Variants in AKAP12 observed in about 807,000 individuals in gnomAD.
AKAP12 encodes the protein A-kinase anchoring protein 12.
AKAP12 carries 32 observed loss-of-function variants against 79.9 expected under a neutral mutation model. The observed-to-expected ratio is 0.40, with a 90% CI of 0.30 to 0.54. The LOEUF (loss-of-function observed/expected upper bound fraction) is 0.54, where lower values mean the gene tolerates loss of function less well. Among genes scored for constraint, AKAP12 ranks in the 20% least tolerant of loss-of-function variants. AKAP12 has a pLI of 0.48. For synonymous variants in AKAP12, 808 were observed against 857.0 expected (o/e 0.94, Z 1.00); for missense variants, 2,074 against 2,177.0 (o/e 0.95, Z 0.94).
intron 3 of AKAP12, among the ~76,000 whole-genome samples, chr6:151,310,937 G>A (rs1777084810): frequency 6.6e-6 from 1 of 152,106 alleles, no homozygotes; most frequent in Non-Finnish European, 1.5e-5. Flanking sequence ...GTTTCTGTGA[G>A]CAAACAGACA....
At chr6:151,277,969 TGTG>T (rs1201735400) in intron 2 of AKAP12, among the ~76,000 whole-genome samples, 6 of 85,058 alleles carry the variant, frequency 7.1e-5, no homozygotes, top group African/African-American at 2.0e-4. Context: ...TGTGTGTGTG[TGTG>T]TCTGTCTGTT....
intron 2 of AKAP12, 122 bp from the exon 3 acceptor site, chr6:151,305,625 T>C: frequency 9.9e-7 from 1 of 1,005,668 alleles, no homozygotes; most frequent in African/African-American, 1.6e-5. Context: ...CTTCATTGTT[T>C]TTGAACTTCC....
intron 2 of AKAP12, among the ~76,000 whole-genome samples, chr6:151,260,690 TAC>T (rs2114697874): frequency 6.6e-6 from 1 of 152,312 alleles, no homozygotes; most frequent in Admixed American, 6.5e-5. Context: ...CGAGAATTGA[TAC>T]TGCACATTTT....
At chr6:151,278,705 T>C (rs1776334854) in intron 2 of AKAP12, among the ~76,000 whole-genome samples, 1 of 151,900 alleles carries the variant, frequency 6.6e-6, no homozygotes. Flanking sequence ...TCTCGCTCTG[T>C]CACCCAGGCT....
chr6:151,345,491 A>G (rs1278714858), intron 3 of AKAP12, among the ~76,000 whole-genome samples: 1 of 151,846 alleles, frequency 6.6e-6, no homozygotes, highest in Non-Finnish European at 1.5e-5. Context: ...AAATCGATAT[A>G]TGTCCTATAT....
intron 2 of AKAP12, among the ~76,000 whole-genome samples, chr6:151,304,696 C>A (rs1327267593): frequency 6.6e-6 from 1 of 151,666 alleles, no homozygotes; most frequent in Non-Finnish European, 1.5e-5. Flanking sequence ...CCTTCTGCAG[C>A]CTCCCAGGTA....
At chr6:151,324,369 GC>G in intron 3 of AKAP12, 1 of 985,406 alleles carries the variant, frequency 1.0e-6, no homozygotes, top group Non-Finnish European at 1.2e-6. Flanking sequence ...CAGCAAGGAA[GC>G]GGTTTTCACG....
intron 2 of AKAP12, among the ~76,000 whole-genome samples, chr6:151,288,873 A>C (rs1332683262): frequency 2.0e-5 from 3 of 152,200 alleles, no homozygotes; most frequent in Non-Finnish European, 4.4e-5. Flanking sequence ...TAAGGGATTA[A>C]TGGCATCGCT....
At chr6:151,332,006 C>T (rs1777684269) in intron 3 of AKAP12, among the ~76,000 whole-genome samples, 2 of 148,102 alleles carry the variant, frequency 1.4e-5, no homozygotes, top group African/African-American at 5.0e-5. Context: ...TGGGACCCTA[C>T]TGAGTAGCAC....
intron 3 of AKAP12, chr6:151,323,931 C>A: frequency 1.0e-6 from 1 of 985,380 alleles, no homozygotes; most frequent in Non-Finnish European, 1.2e-6. Context: ...GCTCCTGGGA[C>A]ATCTCTGGGG....
At chr6:151,266,806 A>G (rs1776041517) in intron 2 of AKAP12, among the ~76,000 whole-genome samples, 1 of 152,158 alleles carries the variant, frequency 6.6e-6, no homozygotes, top group Admixed American at 6.6e-5. Flanking sequence ...ACTAGGAGAA[A>G]TGTTTATGGC....
intron 2 of AKAP12, among the ~76,000 whole-genome samples, chr6:151,247,230 A>G (rs549514015): frequency 1.3e-5 from 2 of 152,168 alleles, no homozygotes; most frequent in East Asian, 3.9e-4. Context: ...GCAAGACCCC[A>G]TCTCTACAAA....
intron 2 of AKAP12, among the ~76,000 whole-genome samples, chr6:151,277,879 A>G (rs1041199421): frequency 6.6e-6 from 1 of 152,092 alleles, no homozygotes; most frequent in African/African-American, 2.4e-5. Flanking sequence ...AGCATTAATC[A>G]TTGAAATACG....
chr6:151,341,053 T>G (rs1350857916), intron 3 of AKAP12, among the ~76,000 whole-genome samples: 1 of 118,798 alleles, frequency 8.4e-6, no homozygotes, highest in Non-Finnish European at 1.6e-5. Context: ...TGTTTCTTTT[T>G]TTTCTTTTTT....
intron 2 of AKAP12, among the ~76,000 whole-genome samples, chr6:151,273,649 A>G (rs543388978): frequency 3.9e-5 from 6 of 152,062 alleles, no homozygotes; most frequent in Non-Finnish European, 5.9e-5. Flanking sequence ...AAGGAAAGAG[A>G]CCTCCAGCAG....
intron 2 of AKAP12, among the ~76,000 whole-genome samples, chr6:151,257,691 C>G (rs767377468): frequency 5.9e-5 from 9 of 152,206 alleles, no homozygotes; most frequent in Non-Finnish European, 8.8e-5. Flanking sequence ...ATCCATGTTG[C>G]TGCAAAGGAC....
intron 2 of AKAP12, among the ~76,000 whole-genome samples, chr6:151,264,642 G>T (rs189673157): frequency 6.7e-6 from 1 of 148,586 alleles, no homozygotes; most frequent in African/African-American, 2.5e-5. Context: ...CTGAACTCCA[G>T]CCTGGGTGAG....
chr6:151,278,902 T>C (rs932020594), intron 2 of AKAP12, among the ~76,000 whole-genome samples: 22 of 150,682 alleles, frequency 1.5e-4, no homozygotes, highest in East Asian at 8.0e-4. Context: ...CTCCTGACCT[T>C]GTGATCCGCC....
intron 3 of AKAP12, among the ~76,000 whole-genome samples, chr6:151,327,998 T>C (rs1777570287): frequency 6.6e-6 from 1 of 152,230 alleles, no homozygotes; most frequent in Non-Finnish European, 1.5e-5. Flanking sequence ...TTTAAATAGT[T>C]GCTCAGAATC....
Sources: gnomAD v4.1 joint callset for allele counts (sites outside exome capture counted in the v4.1 genomes callset) on GRCh38, gnomAD v4.1.1 for gene constraint, MANE v1.5 for transcripts, NCBI Gene and HGNC (gene_info 2026-07-23, HGNC 2026-07-21) for gene names.